Variants in SEMA3A observed in about 807,000 individuals in gnomAD.
SEMA3A encodes the protein semaphorin 3A.
In SEMA3A, 29 loss-of-function variants were observed where a neutral mutation model predicts 97.9. The ratio of observed to expected loss-of-function variants is 0.30; its 90% CI spans 0.22 to 0.40. The LOEUF (loss-of-function observed/expected upper bound fraction) is 0.40, where lower values mean the gene tolerates loss of function less well. SEMA3A is among the 10% of genes least tolerant of loss of function. The probability of loss-of-function intolerance (pLI) is 1.00; values close to 1 mark genes in which losing one functional copy is unlikely to be tolerated. For synonymous variants in SEMA3A, 321 were observed against 323.7 expected, an observed-to-expected ratio of 0.99 and a Z score of 0.09; for missense variants, 763 against 951.3, an observed-to-expected ratio of 0.80 and a Z score of 2.60.
chr7:84,008,821 T>C (rs567810253), intron 9 of SEMA3A, among the ~76,000 whole-genome samples: 5 of 152,270 alleles, frequency 3.3e-5, no homozygotes, highest in African/African-American at 1.2e-4. Context: ...GAGTAAACCT[T>C]AATAAATACT....
At chr7:84,465,395 C>T (rs1805964584) in intron 1 of SEMA3A, among the ~76,000 whole-genome samples, 1 of 152,110 alleles carries the variant, frequency 6.6e-6, no homozygotes, top group African/African-American at 2.4e-5. Context: ...AAACCAACTG[C>T]TAAATTATCT....
intron 4 of SEMA3A, among the ~76,000 whole-genome samples, chr7:84,068,466 A>C (rs1014789556): frequency 2.6e-5 from 4 of 151,572 alleles, no homozygotes; most frequent in Admixed American, 1.3e-4. Flanking sequence ...AAAAATTAGG[A>C]AATAGTGAAA....
At chr7:84,426,277 CAGATAGATAGATAGAT>C (rs1554384465) in intron 1 of SEMA3A, among the ~76,000 whole-genome samples, 2 of 132,994 alleles carry the variant, frequency 1.5e-5, no homozygotes, top group Non-Finnish European at 1.6e-5. Flanking sequence ...GATATATAGA[CAGATAGATAGATAGAT>C]AGATAGATAG....
intron 3 of SEMA3A, among the ~76,000 whole-genome samples, chr7:84,248,168 C>T (rs1799518314): frequency 6.6e-6 from 1 of 152,100 alleles, no homozygotes; most frequent in Non-Finnish European, 1.5e-5. Context: ...ATAATGAATA[C>T]TTAAAATATA....
chr7:84,182,063 C>A (rs1001225048), intron 1 of SEMA3A, among the ~76,000 whole-genome samples: 1 of 151,988 alleles, frequency 6.6e-6, no homozygotes, highest in East Asian at 1.9e-4. Flanking sequence ...AGACAAAAGC[C>A]CCTTTAAGTT....
At chr7:84,468,583 A>G (rs1056607082) in intron 1 of SEMA3A, among the ~76,000 whole-genome samples, 1 of 152,112 alleles carries the variant, frequency 6.6e-6, no homozygotes, top group African/African-American at 2.4e-5. Flanking sequence ...ATGGTTTTTG[A>G]TATCTGTAAC....
intron 1 of SEMA3A, among the ~76,000 whole-genome samples, chr7:84,388,769 C>A (rs1376020063): frequency 6.6e-6 from 1 of 152,006 alleles, no homozygotes; most frequent in African/African-American, 2.4e-5. Context: ...AAGGGACCTT[C>A]AGTTTCTTAA....
At chr7:84,055,480 G>A (rs566332532) in intron 5 of SEMA3A, among the ~76,000 whole-genome samples, 2 of 151,968 alleles carry the variant, frequency 1.3e-5, no homozygotes, top group African/African-American at 4.8e-5. Context: ...GGTGCCATCC[G>A]TCACCCCTTT....
At chr7:84,349,549 G>A (rs1187538057) in intron 2 of SEMA3A, among the ~76,000 whole-genome samples, 1 of 152,140 alleles carries the variant, frequency 6.6e-6, no homozygotes, top group African/African-American at 2.4e-5. Flanking sequence ...CTGAATAAGT[G>A]AGCATAGGTG....
intron 3 of SEMA3A, among the ~76,000 whole-genome samples, chr7:84,275,500 C>G (rs1461451431): frequency 6.6e-6 from 1 of 152,148 alleles, no homozygotes; most frequent in Admixed American, 6.6e-5. Flanking sequence ...CCTGACATTA[C>G]AGCTGAGTCA....
At position 84,014,203 on chromosome 7, in the gene SEMA3A, C is replaced by G; in HGVS notation, c.810+6G>C. On this transcript the variant is annotated splice_donor_region_variant and intron_variant, in intron 7 of 16. Transcript: ENST00000265362. ...ATCCTTCTCAGTTTTTTTTTCTTTA[C>G]CTCACCTTGCATATCTGACCTATTC... 3 of 1,583,912 alleles carry G rather than the reference C, an allele frequency of 1.9e-6. No homozygotes were observed. The highest frequency in any genetic ancestry group is 2.6e-6 in the Non-Finnish European group (3 of 1,169,204).
chr7:84,092,163 C>T (rs1458151578), intron 4 of SEMA3A, among the ~76,000 whole-genome samples: 1 of 152,052 alleles, frequency 6.6e-6, no homozygotes, highest in Non-Finnish European at 1.5e-5. Context: ...CTTTGAAATA[C>T]CTGATTGTTA....
At chr7:84,445,076 A>G (rs1387979948) in intron 1 of SEMA3A, among the ~76,000 whole-genome samples, 5 of 152,148 alleles carry the variant, frequency 3.3e-5, no homozygotes, top group Admixed American at 2.6e-4. Context: ...ACAAATTAAT[A>G]TAATTTTTTT....
At chr7:84,101,943 T>G (rs556968427) in intron 4 of SEMA3A, among the ~76,000 whole-genome samples, 1 of 152,008 alleles carries the variant, frequency 6.6e-6, no homozygotes, top group East Asian at 1.9e-4. Context: ...GATTACATAT[T>G]TAAATAATAT....
intron 1 of SEMA3A, among the ~76,000 whole-genome samples, chr7:84,406,368 A>G (rs990121500): frequency 1.3e-5 from 2 of 152,212 alleles, no homozygotes; most frequent in Admixed American, 1.3e-4. Flanking sequence ...GAATCTCTGA[A>G]TAGACCAATA....
At chr7:84,382,702 CAAAAAAAAAAAAAAAAA>C (rs377120252) in intron 1 of SEMA3A, among the ~76,000 whole-genome samples, 6 of 82,062 alleles carry the variant, frequency 7.3e-5, no homozygotes, top group Non-Finnish European at 9.3e-5. Flanking sequence ...ACTAAAAATC[CAAAAAAAAAAAAAAAAA>C]AAAAAAAAAA....
intron 1 of SEMA3A, among the ~76,000 whole-genome samples, chr7:84,153,499 A>AT (rs575287464): frequency 1.3e-5 from 2 of 152,086 alleles, no homozygotes; most frequent in Non-Finnish European, 2.9e-5. Context: ...TAAAAGGTGA[A>AT]TTTTTTCCCC....
At chr7:84,000,357 G>A (rs1198290768) in intron 12 of SEMA3A, among the ~76,000 whole-genome samples, 1 of 151,940 alleles carries the variant, frequency 6.6e-6, no homozygotes, top group Non-Finnish European at 1.5e-5. Context: ...AAACAAATAA[G>A]GCTAATGTGC....
intron 1 of SEMA3A, among the ~76,000 whole-genome samples, chr7:84,482,864 G>T (rs1359422720): frequency 2.9e-5 from 4 of 139,864 alleles, no homozygotes; most frequent in Non-Finnish European, 4.7e-5. Flanking sequence ...CAAAATTCTA[G>T]TTTTTTTTTT....
Sources: gnomAD v4.1 joint callset for allele counts (sites outside exome capture counted in the v4.1 genomes callset) on GRCh38, gnomAD v4.1.1 for gene constraint, MANE v1.5 for transcripts, NCBI Gene and HGNC (gene_info 2026-07-23, HGNC 2026-07-21) for gene names.